HECW2: variants seen among roughly 807,000 people sequenced by gnomAD.
HECW2 encodes HECT, C2 and WW domain containing E3 ubiquitin protein ligase 2.
Under a neutral mutation model 175.2 loss-of-function variants are expected in HECW2, and 61 were observed. The ratio of observed to expected loss-of-function variants is 0.35; its 90% CI spans 0.28 to 0.43. The LOEUF is 0.43. Among genes scored for constraint, HECW2 ranks in the 20% least tolerant of loss-of-function variants. The probability of loss-of-function intolerance (pLI) is 1.00; values close to 1 mark genes in which losing one functional copy is unlikely to be tolerated. For missense variants in HECW2, 1,524 were observed against 2,000.5 expected (o/e 0.76, Z 4.54); for synonymous variants, 671 against 731.0 (o/e 0.92, Z 1.32).
intron 2 of HECW2, among the ~76,000 whole-genome samples, chr2:196,351,465 CA>C: frequency 6.6e-6 from 1 of 152,134 alleles, no homozygotes; most frequent in South Asian, 2.1e-4. Context: ...TAAATAACTC[CA>C]AAACCTCCAT....
chr2:196,329,360 G>A (rs1032142742), intron 5 of HECW2, among the ~76,000 whole-genome samples: 2 of 151,848 alleles, frequency 1.3e-5, no homozygotes, highest in Admixed American at 1.3e-4. Flanking sequence ...ACTGTCTATC[G>A]CCAGAAAACT....
intron 2 of HECW2, among the ~76,000 whole-genome samples, chr2:196,392,339 G>T (rs539186198): frequency 2.6e-5 from 4 of 152,058 alleles, no homozygotes; most frequent in Admixed American, 1.3e-4. Context: ...TATTCAACTC[G>T]GATAGGAATG....
chr2:196,530,998 T>C (rs1347048860), intron 1 of HECW2, among the ~76,000 whole-genome samples: 1 of 152,196 alleles, frequency 6.6e-6, no homozygotes, highest in Non-Finnish European at 1.5e-5. Context: ...TCTACTTCAG[T>C]TCTCACTTCC....
At chr2:196,326,447 A>G (rs1267480198) in intron 5 of HECW2, among the ~76,000 whole-genome samples, 1 of 126,244 alleles carries the variant, frequency 7.9e-6, no homozygotes, top group African/African-American at 3.7e-5. Flanking sequence ...AACTAAGAGC[A>G]ATTTTTTTTT....
At chr2:196,579,694 T>A (rs904799470) in intron 1 of HECW2, among the ~76,000 whole-genome samples, 7 of 152,136 alleles carry the variant, frequency 4.6e-5, no homozygotes, top group African/African-American at 1.7e-4. Context: ...AAGAAGTAAT[T>A]AAGTTAAAAT....
chr2:196,205,360 T>C (rs188788389), intron 28 of HECW2, among the ~76,000 whole-genome samples: 3 of 152,352 alleles, frequency 2.0e-5, no homozygotes, highest in East Asian at 1.9e-4. Context: ...TTCATTCTTT[T>C]ACTTTTGGAA....
In HECW2 at chr2:196,317,266, G is replaced by C. The variant is rs373329072; in HGVS notation, c.2434+8C>G. The C allele has an allele frequency of 1.0e-4, 163 of 1,604,496 alleles. No homozygotes were observed. Among genetic ancestry groups the C allele is most frequent in the Middle Eastern group, 4.9e-4 (3 of 6,072 alleles). On this transcript the variant is annotated splice_region_variant and intron_variant, in intron 10 of 28. Transcript: ENST00000644978. Reference sequence around the variant, plus strand: ...TAAGGTGGGCCCTTTTAACTAACAGGTCCTCACTTGGTGGGAGAGCCTCGT... The same window carrying C: ...TAAGGTGGGCCCTTTTAACTAACAGCTCCTCACTTGGTGGGAGAGCCTCGT...
At chr2:196,343,822 G>T in intron 2 of HECW2, 58 bp from the exon 3 acceptor site, 1 of 1,053,670 alleles carries the variant, frequency 9.5e-7, no homozygotes, top group Non-Finnish European at 1.5e-6. Context: ...TCCGTAGCAG[G>T]AAGATTAACA....
At chr2:196,350,884 G>C (rs1693147319) in intron 2 of HECW2, among the ~76,000 whole-genome samples, 2 of 152,194 alleles carry the variant, frequency 1.3e-5, no homozygotes, top group Non-Finnish European at 1.5e-5. Context: ...TGAGCTGTTA[G>C]GTTTAAAGTG....
At chr2:196,471,185 A>T (rs1017378356) in intron 1 of HECW2, among the ~76,000 whole-genome samples, 23 of 152,220 alleles carry the variant, frequency 1.5e-4, no homozygotes, top group African/African-American at 4.8e-4. Context: ...TTTTATTTTT[A>T]AAATCCCTAG....
intron 2 of HECW2, among the ~76,000 whole-genome samples, chr2:196,396,033 A>G (rs535485304): frequency 1.3e-5 from 2 of 152,334 alleles, no homozygotes; most frequent in African/African-American, 4.8e-5. Flanking sequence ...ACATGATCCA[A>G]TCTTAAAAAT....
At chr2:196,439,116 G>A (rs879314605) in intron 1 of HECW2, among the ~76,000 whole-genome samples, 7 of 152,208 alleles carry the variant, frequency 4.6e-5, no homozygotes, top group Non-Finnish European at 8.8e-5. Flanking sequence ...TTAAATGGAA[G>A]TAATTTTAAT....
intron 1 of HECW2, among the ~76,000 whole-genome samples, chr2:196,461,169 G>C (rs924249324): frequency 2.0e-5 from 3 of 152,048 alleles, no homozygotes; most frequent in African/African-American, 7.2e-5. Flanking sequence ...AGGAAGAAAG[G>C]GAGGGAGGGA....
chr2:196,281,380 G>A (rs781345746), intron 14 of HECW2, among the ~76,000 whole-genome samples: 14 of 152,110 alleles, frequency 9.2e-5, no homozygotes, highest in Non-Finnish European at 1.5e-4. Flanking sequence ...GCTCACACCT[G>A]TAATCCCAGC....
At chr2:196,396,749 T>G (rs1694670750) in intron 2 of HECW2, among the ~76,000 whole-genome samples, 1 of 151,712 alleles carries the variant, frequency 6.6e-6, no homozygotes, top group South Asian at 2.1e-4. Context: ...TGTGGCAATG[T>G]CCCCTCCAGT....
intron 10 of HECW2, chr2:196,315,647 G>A (rs1691667222): frequency 6.6e-6 from 1 of 152,020 alleles, no homozygotes; most frequent in Non-Finnish European, 1.5e-5. Context: ...ACTGCCAATT[G>A]TAAAAAAAAT....
chr2:196,282,699 C>T (rs1044037317), intron 14 of HECW2, among the ~76,000 whole-genome samples: 4 of 152,104 alleles, frequency 2.6e-5, no homozygotes, highest in Non-Finnish European at 5.9e-5. Context: ...GATGAAGCCT[C>T]CAGGTAGCAG....
chr2:196,271,232 T>C lies in HECW2; in HGVS notation c.3296A>G (p.Gln1099Arg). ...CCTGGTAAGATCAGGTTGACGCTCC[T>C]GTAGAATTTCAAAGATATTGGGTTG... is the stretch of plus-strand genomic sequence containing the variant. Reference protein sequence around the residue: ...LRQPNIFEILQERQPDLTRNH... With the variant: ...LRQPNIFEILRERQPDLTRNH... Residue 1099 changes from glutamine to arginine, a missense_variant, in exon 17 of 29, where the codon CAG becomes CGG. Around this residue, in one of 11 missense-constraint regions of HECW2, gnomAD observed 291 missense variants for 412.2 expected, o/e 0.71. Coordinates refer to ENST00000644978, the MANE Select transcript of HECW2 (RefSeq NM_001348768.2). 2 of 1,612,072 alleles carry C rather than the reference T, an allele frequency of 1.2e-6. No homozygotes were observed. Among genetic ancestry groups the C allele is most frequent in the Non-Finnish European group, 8.5e-7 (1 of 1,178,106 alleles).
intron 4 of HECW2, among the ~76,000 whole-genome samples, chr2:196,332,654 C>T (rs1692409640): frequency 6.6e-6 from 1 of 152,126 alleles, no homozygotes; most frequent in Non-Finnish European, 1.5e-5. Flanking sequence ...TATCTAAATA[C>T]TGAAATTGCT....
Sources: allele counts gnomAD v4.1 joint callset (sites outside exome capture counted in the v4.1 genomes callset), GRCh38; gene constraint gnomAD v4.1.1; regional missense constraint gnomAD v4.1.1; transcripts MANE v1.5; gene names NCBI Gene and HGNC (gene_info 2026-07-23, HGNC 2026-07-21).